RIMS2: variants seen among roughly 807,000 people sequenced by gnomAD.
RIMS2 encodes the protein regulating synaptic membrane exocytosis protein 2.
RIMS2 carries 59 observed loss-of-function variants against 174.4 expected under a neutral mutation model. The ratio of observed to expected loss-of-function variants is 0.34; its 90% CI spans 0.27 to 0.42. The LOEUF is 0.42. RIMS2 is among the 10% of genes least tolerant of loss of function. The pLI, the probability that RIMS2 is intolerant of heterozygous loss-of-function variation, is 1.00. For synonymous variants in RIMS2, 606 were observed against 572.5 expected (o/e 1.06, Z -0.84); for missense variants, 1,620 against 1,666.3 (o/e 0.97, Z 0.48).
At chr8:103,977,857 A>C (rs2154548804) in intron 16 of RIMS2, among the ~76,000 whole-genome samples, 1 of 152,378 alleles carries the variant, frequency 6.6e-6, no homozygotes, top group South Asian at 2.1e-4. Flanking sequence ...ATGCAGATGA[A>C]GAAATGCATA....
chr8:103,693,791 C>T (rs1034154930), intron 1 of RIMS2, among the ~76,000 whole-genome samples: 3 of 152,122 alleles, frequency 2.0e-5, no homozygotes, highest in Non-Finnish European at 4.4e-5. Flanking sequence ...TGGGCCGATT[C>T]ATTTGGTCTG....
intron 14 of RIMS2, among the ~76,000 whole-genome samples, chr8:103,952,866 A>G (rs1438110164): frequency 6.6e-6 from 1 of 152,206 alleles, no homozygotes; most frequent in African/African-American, 2.4e-5. Flanking sequence ...AGAACCTTGA[A>G]AAAAGGTTAG....
intron 14 of RIMS2, among the ~76,000 whole-genome samples, chr8:103,949,573 A>G (rs1027248059): frequency 6.6e-6 from 1 of 152,230 alleles, no homozygotes; most frequent in Non-Finnish European, 1.5e-5. Flanking sequence ...CAGGAAATTA[A>G]AAATTATTTT....
intron 1 of RIMS2, among the ~76,000 whole-genome samples, chr8:103,508,662 A>G (rs1268199293): frequency 6.6e-6 from 1 of 152,116 alleles, no homozygotes; most frequent in Non-Finnish European, 1.5e-5. Context: ...GTGACACAAT[A>G]TAATTAGACT....
intron 3 of RIMS2, among the ~76,000 whole-genome samples, chr8:103,876,862 TTTTATATA>T (rs2154515422): frequency 2.3e-5 from 1 of 44,362 alleles, no homozygotes. Context: ...ACACACACTA[TTTTATATA>T]TATATATATA....
chr8:104,024,636 C>G (rs1479014312), intron 19 of RIMS2, among the ~76,000 whole-genome samples: 1 of 151,984 alleles, frequency 6.6e-6, no homozygotes, highest in Non-Finnish European at 1.5e-5. Context: ...ATTAGGTAGC[C>G]ATTGAGGATG....
At chr8:103,795,656 C>T (rs967416988) in intron 3 of RIMS2, among the ~76,000 whole-genome samples, 19 of 152,148 alleles carry the variant, frequency 1.2e-4, no homozygotes, top group African/African-American at 4.3e-4. Flanking sequence ...CACCAGATGG[C>T]GAACATGCGT....
intron 19 of RIMS2, chr8:104,223,644 C>CG: frequency 6.3e-7 from 1 of 1,587,272 alleles, no homozygotes; most frequent in South Asian, 1.1e-5. Flanking sequence ...AGCGGGTCCT[C>CG]GTCCAAGATG....
intron 1 of RIMS2, among the ~76,000 whole-genome samples, chr8:103,694,395 GGTCTTTGT>G (rs1189212115): frequency 6.6e-6 from 1 of 151,934 alleles, no homozygotes; most frequent in African/African-American, 2.4e-5. Flanking sequence ...CTGGAGGCTG[GGTCTTTGT>G]GTGATGGCTT....
At chr8:104,161,636 G>C (rs776128697) in intron 19 of RIMS2, among the ~76,000 whole-genome samples, 1 of 152,146 alleles carries the variant, frequency 6.6e-6, no homozygotes, top group African/African-American at 2.4e-5. Flanking sequence ...GTTTCCTATT[G>C]AGGCCGTAAC....
chr8:103,523,446 C>G (rs747423121), intron 1 of RIMS2, among the ~76,000 whole-genome samples: 7 of 151,894 alleles, frequency 4.6e-5, no homozygotes, highest in Non-Finnish European at 8.8e-5. Context: ...CATTCTGTGA[C>G]CATTAGTTAT....
intron 3 of RIMS2, among the ~76,000 whole-genome samples, chr8:103,816,218 G>A (rs1432838198): frequency 1.3e-5 from 2 of 152,202 alleles, no homozygotes; most frequent in East Asian, 3.9e-4. Context: ...CCTTATAGAA[G>A]ATGATGTGGC....
intron 1 of RIMS2, among the ~76,000 whole-genome samples, chr8:103,523,147 TAC>T (rs1832524203): frequency 6.6e-6 from 1 of 151,370 alleles, no homozygotes; most frequent in Admixed American, 6.6e-5. Flanking sequence ...GTATGAGAGA[TAC>T]AGAGAGAGAG....
intron 19 of RIMS2, among the ~76,000 whole-genome samples, chr8:104,158,346 C>T (rs987864918): frequency 4.6e-5 from 7 of 151,980 alleles, no homozygotes; most frequent in Admixed American, 6.6e-5. Context: ...TGAATAGTGC[C>T]GCAATAAACA....
intron 19 of RIMS2, among the ~76,000 whole-genome samples, chr8:104,078,557 A>G (rs1430810384): frequency 6.6e-6 from 1 of 152,180 alleles, no homozygotes; most frequent in African/African-American, 2.4e-5. Flanking sequence ...TTACCTCTTG[A>G]AAAGCTCTAG....
At chr8:103,741,574 A>C (rs2139357311) in intron 2 of RIMS2, among the ~76,000 whole-genome samples, 1 of 152,186 alleles carries the variant, frequency 6.6e-6, no homozygotes, top group East Asian at 1.9e-4. Context: ...TCTGGGAGTT[A>C]TACCAAAAAA....
chr8:103,617,517 A>T lies in RIMS2; in HGVS notation c.177-79569A>T, dbSNP rs1589126429. Reference sequence around the variant, plus strand: ...AAAGCAGAAATTGACATGTGATCTAATTAAACTGAAGAGCTTCTGCACAGC... The same window carrying T: ...AAAGCAGAAATTGACATGTGATCTATTTAAACTGAAGAGCTTCTGCACAGC... On this transcript the variant is annotated intron_variant, in intron 1 of 23. Transcript: ENST00000504942. Among the ~76,000 whole-genome samples, 3 of 152,304 alleles carry T rather than the reference A, an allele frequency of 2.0e-5. No individual in the cohort carries two copies. In the East Asian group the frequency reaches 5.8e-4, roughly 29 times the overall value.
At chr8:103,902,143 A>G (rs1261858048) in intron 4 of RIMS2, among the ~76,000 whole-genome samples, 1 of 152,270 alleles carries the variant, frequency 6.6e-6, no homozygotes, top group African/African-American at 2.4e-5. Flanking sequence ...CCTTTTGACA[A>G]GAAGCTGCCA....
At chr8:104,220,685 C>T (rs1459788274) in intron 19 of RIMS2, among the ~76,000 whole-genome samples, 2 of 152,096 alleles carry the variant, frequency 1.3e-5, no homozygotes, top group Admixed American at 1.3e-4. Context: ...ACAGCCTCAA[C>T]CTTGCAGGCT....
Sources: allele counts gnomAD v4.1 joint callset (sites outside exome capture counted in the v4.1 genomes callset), GRCh38; gene constraint gnomAD v4.1.1; transcripts MANE v1.5; gene names NCBI Gene and HGNC (gene_info 2026-07-23, HGNC 2026-07-21).